The following SGCZ variants were observed in gnomAD, a reference collection of about 807,000 sequenced individuals.
The protein encoded by SGCZ is zeta-sarcoglycan.
In SGCZ, 40 loss-of-function variants were observed where a neutral mutation model predicts 41.3. That is an observed-to-expected ratio of 0.97 (90% CI 0.75 to 1.26). The LOEUF (loss-of-function observed/expected upper bound fraction) is 1.26, where lower values mean the gene tolerates loss of function less well. SGCZ is among the 50% of genes most tolerant of loss of function. The pLI is 0.00. For synonymous variants in SGCZ, 206 were observed against 137.5 expected (o/e 1.50, Z -3.49); for missense variants, 552 against 369.8 (o/e 1.49, Z -4.04).
At chr8:14,093,519 A>G (rs1014646697) in intron 7 of SGCZ, among the ~76,000 whole-genome samples, 3 of 152,058 alleles carry the variant, frequency 2.0e-5, no homozygotes, top group African/African-American at 7.2e-5. Flanking sequence ...CAAAAGCACT[A>G]TGGCCTCATA....
intron 1 of SGCZ, among the ~76,000 whole-genome samples, chr8:15,009,504 G>GTTCAGCT (rs528995867): frequency 1.5e-3 from 221 of 152,286 alleles, no homozygotes; most frequent in African/African-American, 4.9e-3. Flanking sequence ...GACAGAGCCA[G>GTTCAGCT]TTCAGCTTTC....
chr8:14,339,757 C>T (rs560821418), intron 2 of SGCZ, among the ~76,000 whole-genome samples: 7 of 151,854 alleles, frequency 4.6e-5, no homozygotes, highest in East Asian at 3.9e-4. Context: ...CTTAAAAAGA[C>T]GAGTACATAG....
At chr8:14,151,400 T>G (rs1332534767) in intron 5 of SGCZ, among the ~76,000 whole-genome samples, 1 of 151,994 alleles carries the variant, frequency 6.6e-6, no homozygotes, top group East Asian at 1.9e-4. Flanking sequence ...ACAGATAATT[T>G]ATGCTGAAGT....
intron 1 of SGCZ, among the ~76,000 whole-genome samples, chr8:14,735,562 A>G (rs1799004307): frequency 6.6e-6 from 1 of 152,050 alleles, no homozygotes; most frequent in Non-Finnish European, 1.5e-5. Flanking sequence ...TGCCTGCACT[A>G]TTGGCTTCCC....
At chr8:15,118,148 C>G (rs1197893882) in intron 1 of SGCZ, among the ~76,000 whole-genome samples, 1 of 152,142 alleles carries the variant, frequency 6.6e-6, no homozygotes, top group African/African-American at 2.4e-5. Flanking sequence ...TTTTATAAAT[C>G]ACATATCAGG....
At chr8:15,139,247 T>C (rs1808229808) in intron 1 of SGCZ, among the ~76,000 whole-genome samples, 1 of 152,200 alleles carries the variant, frequency 6.6e-6, no homozygotes, top group Non-Finnish European at 1.5e-5. Context: ...GCTTCCAAAA[T>C]TCTCTATTCT....
intron 4 of SGCZ, among the ~76,000 whole-genome samples, chr8:14,221,968 A>G (rs1337505498): frequency 6.6e-6 from 1 of 151,898 alleles, no homozygotes; most frequent in African/African-American, 2.4e-5. Context: ...CTCAAAAGAA[A>G]AAAAAAAAGT....
At chr8:14,225,285 G>A (rs1030974231) in intron 4 of SGCZ, among the ~76,000 whole-genome samples, 1 of 151,996 alleles carries the variant, frequency 6.6e-6, no homozygotes, top group Non-Finnish European at 1.5e-5. Context: ...TATTCTAAAT[G>A]ATCTGCTGTT....
intron 2 of SGCZ, among the ~76,000 whole-genome samples, chr8:14,530,147 A>G (rs1803081986): frequency 6.6e-6 from 1 of 152,074 alleles, no homozygotes; most frequent in Non-Finnish European, 1.5e-5. Flanking sequence ...ATTACAGATA[A>G]TCATCTGAAC....
chr8:14,565,117 GA>G (rs1367718250), intron 1 of SGCZ, among the ~76,000 whole-genome samples: 1 of 152,160 alleles, frequency 6.6e-6, no homozygotes, highest in Non-Finnish European at 1.5e-5. Flanking sequence ...AAGCCTGACA[GA>G]AAAGAGAAAA....
chr8:14,474,059 T>A (rs1314219275), intron 2 of SGCZ, among the ~76,000 whole-genome samples: 1 of 152,094 alleles, frequency 6.6e-6, no homozygotes, highest in Admixed American at 6.6e-5. Flanking sequence ...GGGAAAGTTA[T>A]AGGGGAAAGA....
At chr8:14,907,581 A>G (rs1040189304) in intron 1 of SGCZ, among the ~76,000 whole-genome samples, 11 of 152,116 alleles carry the variant, frequency 7.2e-5, no homozygotes, top group Non-Finnish European at 1.0e-4. Context: ...AGGCTGGACA[A>G]CAGTGATCCC....
chr8:14,515,088 T>C (rs1302360856), intron 2 of SGCZ, among the ~76,000 whole-genome samples: 2 of 152,038 alleles, frequency 1.3e-5, no homozygotes, highest in Non-Finnish European at 2.9e-5. Flanking sequence ...AAAATAGGCC[T>C]TTCCTCATCC....
intron 2 of SGCZ, among the ~76,000 whole-genome samples, chr8:14,499,349 A>G (rs539597846): frequency 7.9e-5 from 12 of 151,984 alleles, no homozygotes; most frequent in Admixed American, 2.0e-4. Context: ...ATATTTTATC[A>G]CATATTTAGG....
chr8:14,375,225 T>A (rs1352329463), intron 2 of SGCZ, among the ~76,000 whole-genome samples: 2 of 152,176 alleles, frequency 1.3e-5, no homozygotes, highest in Non-Finnish European at 2.9e-5. Context: ...CAATTCACAA[T>A]GGAGATATAA....
At chr8:14,320,259 T>G (rs981792214) in intron 3 of SGCZ, among the ~76,000 whole-genome samples, 5 of 151,704 alleles carry the variant, frequency 3.3e-5, no homozygotes, top group Admixed American at 3.3e-4. Context: ...ATACAATGAT[T>G]ATGAAAGCCT....
chr8:15,119,424 G>A (rs1336325270), intron 1 of SGCZ, among the ~76,000 whole-genome samples: 1 of 151,822 alleles, frequency 6.6e-6, no homozygotes, highest in East Asian at 1.9e-4. Context: ...CAGCTACTCA[G>A]GAAGCTGAAG....
intron 1 of SGCZ, among the ~76,000 whole-genome samples, chr8:14,676,109 T>A (rs1016241600): frequency 1.3e-5 from 2 of 152,132 alleles, no homozygotes; most frequent in South Asian, 4.1e-4. Context: ...AACTCAGGAA[T>A]AGTTTGTGTT....
intron 4 of SGCZ, among the ~76,000 whole-genome samples, chr8:14,201,107 T>A (rs1805440590): frequency 6.6e-6 from 1 of 152,162 alleles, no homozygotes; most frequent in Non-Finnish European, 1.5e-5. Context: ...CAAAAATGTT[T>A]AAATGGTGAA....
Sources: allele counts gnomAD v4.1 joint callset (sites outside exome capture counted in the v4.1 genomes callset), GRCh38; gene constraint gnomAD v4.1.1; transcripts MANE v1.5; gene names NCBI Gene and HGNC (gene_info 2026-07-23, HGNC 2026-07-21).